TEK: variants seen among roughly 807,000 people sequenced by gnomAD.
TEK encodes the protein angiopoietin-1 receptor.
A neutral mutation model predicts 131.8 loss-of-function variants in TEK; 43 were observed. That is an observed-to-expected ratio of 0.33 (90% CI 0.26 to 0.42). The LOEUF (loss-of-function observed/expected upper bound fraction) is 0.42. Ranked by LOEUF, TEK falls within the 10% of genes least tolerant of loss-of-function variation. TEK has a pLI of 1.00. For synonymous variants in TEK, 580 were observed against 491.6 expected (o/e 1.18, Z -2.38); for missense variants, 1,162 against 1,384.4 (o/e 0.84, Z 2.55).
intron 4 of TEK, among the ~76,000 whole-genome samples, chr9:27,171,461 T>C (rs1366313647): frequency 2.0e-5 from 3 of 152,182 alleles, no homozygotes; most frequent in African/African-American, 7.2e-5. Flanking sequence ...TCATTCCCAA[T>C]CAGAGTAGGC....
At chr9:27,140,284 C>A (rs1458099924) in intron 1 of TEK, among the ~76,000 whole-genome samples, 2 of 151,974 alleles carry the variant, frequency 1.3e-5, no homozygotes, top group African/African-American at 4.8e-5. Flanking sequence ...ATACGCTCAC[C>A]ATGTTTGAAG....
chr9:27,201,576 A>G (rs655392), intron 12 of TEK, among the ~76,000 whole-genome samples: 73,400 of 152,038 alleles, frequency 0.48, 18,325 homozygotes, highest in Non-Finnish European at 0.52. Context: ...ATACTGTACC[A>G]TCTGCTAGAC....
intron 1 of TEK, among the ~76,000 whole-genome samples, chr9:27,121,664 C>T (rs981012524): frequency 1.3e-5 from 2 of 151,482 alleles, no homozygotes; most frequent in Admixed American, 1.3e-4. Flanking sequence ...CATGATTAGT[C>T]CTCGTTAATA....
intron 8 of TEK, among the ~76,000 whole-genome samples, chr9:27,185,138 T>A (rs2131173519): frequency 6.6e-6 from 1 of 152,252 alleles, no homozygotes; most frequent in South Asian, 2.1e-4. Context: ...GGAAGTCACT[T>A]TGTCCTCCCA....
intron 15 of TEK, among the ~76,000 whole-genome samples, chr9:27,208,890 C>A (rs1825499468): frequency 1.3e-5 from 2 of 151,822 alleles, no homozygotes; most frequent in African/African-American, 4.8e-5. Flanking sequence ...TAGTAGAGGC[C>A]AGGATGGCTG....
At chr9:27,192,417 A>AT (rs1313929568) in intron 10 of TEK, 72 bp from the exon 11 acceptor site, 2 of 1,593,750 alleles carry the variant, frequency 1.3e-6, no homozygotes, top group African/African-American at 2.7e-5. Context: ...TCACATCGCA[A>AT]TAACAACAAC....
At chr9:27,156,453 C>A (rs1041399331) in intron 1 of TEK, among the ~76,000 whole-genome samples, 10 of 151,740 alleles carry the variant, frequency 6.6e-5, no homozygotes, top group African/African-American at 2.2e-4. Context: ...GGTAGAGAAG[C>A]CTTCTATGAG....
At chr9:27,164,971 C>G (rs1823673862) in intron 2 of TEK, among the ~76,000 whole-genome samples, 1 of 152,192 alleles carries the variant, frequency 6.6e-6, no homozygotes, top group Non-Finnish European at 1.5e-5. Flanking sequence ...AAGCCAGGCT[C>G]CTGTGTCATC....
intron 21 of TEK, among the ~76,000 whole-genome samples, chr9:27,227,351 T>C (rs1826379826): frequency 6.6e-6 from 1 of 152,228 alleles, no homozygotes; most frequent in Non-Finnish European, 1.5e-5. Flanking sequence ...TTGTGCAAGA[T>C]ATAAATACAT....
intron 1 of TEK, among the ~76,000 whole-genome samples, chr9:27,131,874 C>G (rs1043512195): frequency 1.3e-5 from 2 of 151,686 alleles, no homozygotes; most frequent in Non-Finnish European, 2.9e-5. Flanking sequence ...TCTAAATAGT[C>G]TAGGAAAGAA....
At chr9:27,158,264 T>C in intron 2 of TEK, 122 bp downstream of exon 2, 1 of 1,174,688 alleles carries the variant, frequency 8.5e-7, no homozygotes. Flanking sequence ...TTGACGATCT[T>C]GCCTGTCTCT....
chr9:27,219,394 A>T (rs2131244458), intron 20 of TEK, among the ~76,000 whole-genome samples: 1 of 152,264 alleles, frequency 6.6e-6, no homozygotes, highest in East Asian at 1.9e-4. Context: ...GGAATAGAAA[A>T]CCAAACACCA....
chr9:27,136,005 A>G (rs1001797152), intron 1 of TEK, among the ~76,000 whole-genome samples: 2 of 151,918 alleles, frequency 1.3e-5, no homozygotes, highest in Non-Finnish European at 2.9e-5. Flanking sequence ...TATTTTCTAG[A>G]TAAGATTGAA....
intron 1 of TEK, among the ~76,000 whole-genome samples, chr9:27,124,327 G>T (rs1488577351): frequency 6.6e-6 from 1 of 152,244 alleles, no homozygotes; most frequent in Non-Finnish European, 1.5e-5. Context: ...GGTTGCAGCA[G>T]CTGGGGCAGC....
chr9:27,220,140 T>A lies in TEK; in HGVS notation c.3195T>A (p.Asp1065Glu), dbSNP rs752344175. 6.2e-7 allele frequency: 1 copy of A among 1,613,816 alleles called. No homozygotes were observed. Among genetic ancestry groups the A allele is most frequent in the African/African-American group, 1.3e-5 (1 of 75,034 alleles). ...TGGAGAAGCCCCTGAACTGTGATGA[T>A]GAGGTGTAAGTCAGGCCTCATCCTG... ...YRLEKPLNCD[D>E]EVYDLMRQCW... The change falls in exon 21 of 23, where the codon GAT becomes GAA. Residue 1065 changes from aspartate (D) to glutamate (E), a missense_variant. By Grantham distance (45) the Asp-to-Glu change is conservative (BLOSUM62 2). Around this residue, in one of 6 missense-constraint regions of TEK, gnomAD observed 84 missense variants for 80.3 expected, o/e 1.05. Coordinates refer to ENST00000380036, the MANE Select transcript of TEK (RefSeq NM_000459.5).
intron 12 of TEK, among the ~76,000 whole-genome samples, chr9:27,202,275 C>T (rs1182759371): frequency 6.6e-6 from 1 of 152,152 alleles, no homozygotes; most frequent in African/African-American, 2.4e-5. Flanking sequence ...CTGCCTGCTG[C>T]TCCATAAATT....
chr9:27,186,749 C>T (rs1463057087), intron 9 of TEK, among the ~76,000 whole-genome samples: 3 of 152,130 alleles, frequency 2.0e-5, no homozygotes, highest in Admixed American at 6.6e-5. Context: ...GGCCCCCTTT[C>T]GTTACTTCAT....
chr9:27,192,588 C>G lies in TEK; in HGVS notation c.1589C>G (p.Pro530Arg). Residue 530 changes from proline (P) to arginine (R), a missense_variant, in exon 11 of 23, where the codon CCT becomes CGT. Pro to Arg is a moderately radical substitution (Grantham distance 103, BLOSUM62 -2). Coordinates refer to ENST00000380036, the MANE Select transcript of TEK (RefSeq NM_000459.5). ...VRRGEGGEGH[P>R]GPVRRFTTAS... ...CGTGGAGAGGGTGGGGAAGGGCATC[C>G]TGGACCTGTGAGACGCTTCACAACA... is the stretch of plus-strand genomic sequence containing the variant. 2 of 1,613,796 alleles carry G rather than the reference C, an allele frequency of 1.2e-6. No individual in the cohort carries two copies. The highest frequency in any genetic ancestry group is 1.1e-5 in the South Asian group (1 of 91,072).
chr9:27,153,080 G>A (rs514643), intron 1 of TEK, among the ~76,000 whole-genome samples: 40,839 of 152,060 alleles, frequency 0.27, 5,817 homozygotes, highest in South Asian at 0.52. Context: ...ATGCTTGGTT[G>A]TTAACTTGGT....
Sources: gnomAD v4.1 joint callset for allele counts (sites outside exome capture counted in the v4.1 genomes callset) on GRCh38, gnomAD v4.1.1 for gene constraint, gnomAD v4.1.1 regional missense constraint, MANE v1.5 for transcripts, NCBI Gene and HGNC (gene_info 2026-07-23, HGNC 2026-07-21) for gene names.